PHF14: variants seen among roughly 807,000 people sequenced by gnomAD.
The protein encoded by PHF14 is PHD finger protein 14.
A neutral mutation model predicts 117.9 loss-of-function variants in PHF14; 55 were observed. The observed-to-expected ratio is 0.47, with a 90% CI of 0.38 to 0.58. The LOEUF (loss-of-function observed/expected upper bound fraction) is 0.58, where lower values mean the gene tolerates loss of function less well. Among genes scored for constraint, PHF14 ranks in the 20% least tolerant of loss-of-function variants. The pLI is 0.00. For missense variants in PHF14, 978 were observed against 1,122.2 expected (o/e 0.87, Z 1.84); for synonymous variants, 409 against 368.6 (o/e 1.11, Z -1.26).
At chr7:11,053,378 A>G (rs1394276759) in intron 14 of PHF14, among the ~76,000 whole-genome samples, 1 of 151,978 alleles carries the variant, frequency 6.6e-6, no homozygotes, top group Non-Finnish European at 1.5e-5. Context: ...AATAGTTTTT[A>G]TTTGTAGTTT....
chr7:11,046,074 T>C (rs1583407660), intron 13 of PHF14, among the ~76,000 whole-genome samples: 1 of 152,168 alleles, frequency 6.6e-6, no homozygotes, highest in Non-Finnish European at 1.5e-5. Context: ...CCACAGAGAA[T>C]AGAGAGGCTA....
At chr7:11,068,756 T>A (rs958866404) in intron 16 of PHF14, among the ~76,000 whole-genome samples, 3 of 152,174 alleles carry the variant, frequency 2.0e-5, no homozygotes, top group Non-Finnish European at 4.4e-5. Flanking sequence ...TATAATAGGC[T>A]TTGTGTTGAA....
intron 16 of PHF14, among the ~76,000 whole-genome samples, chr7:11,071,898 T>C (rs1785624932): frequency 6.6e-6 from 1 of 152,216 alleles, no homozygotes; most frequent in African/African-American, 2.4e-5. Flanking sequence ...TAATTTTGGA[T>C]ATTAAAAAAG....
intron 16 of PHF14, among the ~76,000 whole-genome samples, chr7:11,068,990 G>A (rs1785519413): frequency 1.3e-5 from 2 of 152,044 alleles, no homozygotes; most frequent in Admixed American, 6.6e-5. Flanking sequence ...TATTGTATAG[G>A]TTATCTTTAA....
At chr7:11,135,578 A>T (rs1788195869) in intron 17 of PHF14, among the ~76,000 whole-genome samples, 1 of 151,958 alleles carries the variant, frequency 6.6e-6, no homozygotes, top group South Asian at 2.1e-4. Flanking sequence ...ATTTTTGTGT[A>T]TTTTTTTACA....
intron 17 of PHF14, among the ~76,000 whole-genome samples, chr7:11,153,794 A>G (rs1466087252): frequency 6.6e-6 from 1 of 152,164 alleles, no homozygotes; most frequent in African/African-American, 2.4e-5. Context: ...GATTAATTAA[A>G]GAAGACTTTG....
intron 6 of PHF14, among the ~76,000 whole-genome samples, chr7:11,024,799 A>T (rs537152274): frequency 6.6e-6 from 1 of 152,294 alleles, no homozygotes; most frequent in African/African-American, 2.4e-5. Context: ...ATGAAGTACA[A>T]GGAGATTAAT....
At chr7:11,047,100 G>T (rs190237305) in intron 13 of PHF14, among the ~76,000 whole-genome samples, 8 of 147,480 alleles carry the variant, frequency 5.4e-5, no homozygotes, top group Admixed American at 4.8e-4. Context: ...ATGGAGTCTC[G>T]CTCTGTCACC....
At chr7:10,983,680 C>T (rs1199919534) in intron 3 of PHF14, among the ~76,000 whole-genome samples, 1 of 152,132 alleles carries the variant, frequency 6.6e-6, no homozygotes, top group East Asian at 1.9e-4. Flanking sequence ...TCTTTTTAGT[C>T]ACCAAATCTT....
At chr7:11,107,843 C>A in intron 16 of PHF14, 1 of 525,214 alleles carries the variant, frequency 1.9e-6, no homozygotes, top group Non-Finnish European at 2.4e-6. Context: ...TTATGTGCTG[C>A]ATGTGTTTCC....
At chr7:10,999,542 T>C (rs1176572584) in intron 4 of PHF14, among the ~76,000 whole-genome samples, 1 of 152,206 alleles carries the variant, frequency 6.6e-6, no homozygotes, top group Non-Finnish European at 1.5e-5. Flanking sequence ...TTTTGAGTCA[T>C]GTTTTGCTCC....
intron 7 of PHF14, among the ~76,000 whole-genome samples, chr7:11,034,251 CTT>C (rs1784231475): frequency 6.6e-6 from 1 of 151,796 alleles, no homozygotes; most frequent in African/African-American, 2.4e-5. Context: ...TTTGACATAA[CTT>C]AGAGAAAAAC....
chr7:11,009,078 G>GCC (rs1430552715), intron 4 of PHF14, among the ~76,000 whole-genome samples: 1 of 150,510 alleles, frequency 6.6e-6, no homozygotes, highest in Non-Finnish European at 1.5e-5. Flanking sequence ...GAGTTTCATA[G>GCC]TCAAAAGTCT....
At chr7:11,160,337 C>G (rs1032553719) in intron 17 of PHF14, among the ~76,000 whole-genome samples, 2 of 152,152 alleles carry the variant, frequency 1.3e-5, no homozygotes, top group African/African-American at 4.8e-5. Context: ...CATGTCTTCG[C>G]TATTATGAAC....
At chr7:11,028,523 ACT>A (rs1784005749) in intron 6 of PHF14, among the ~76,000 whole-genome samples, 156 bp from the exon 7 acceptor site, 1 of 151,762 alleles carries the variant, frequency 6.6e-6, no homozygotes, top group Non-Finnish European at 1.5e-5. Flanking sequence ...TTTCATATAA[ACT>A]CTTGGCTCGC....
At chr7:11,155,384 A>G (rs1021753644) in intron 17 of PHF14, among the ~76,000 whole-genome samples, 2 of 152,332 alleles carry the variant, frequency 1.3e-5, no homozygotes, top group South Asian at 2.1e-4. Flanking sequence ...GTAACCAACC[A>G]TGAGCACTGT....
chr7:11,104,764 T>C, intron 16 of PHF14: 1 of 614,784 alleles, frequency 1.6e-6, no homozygotes, highest in Non-Finnish European at 2.0e-6. Context: ...TCCCTCCCCC[T>C]TCACCCTGGA....
chr7:11,051,599 C>A lies in PHF14; in HGVS notation c.2313-13C>A. On this transcript the variant is annotated splice_polypyrimidine_tract_variant and intron_variant, in intron 13 of 17. Coordinates refer to ENST00000634607, the MANE Select transcript of PHF14 (RefSeq NM_001007157.2). ...TAATAAATGCATGACTTAAATTTTT[C>A]CCCTTTATGTAGGCAGTGCTCGGAA... The A allele has an allele frequency of 6.3e-7, 1 of 1,593,272 alleles. No individual in the cohort carries two copies. The highest frequency in any genetic ancestry group is 8.5e-7 in the Non-Finnish European group (1 of 1,170,480).
intron 17 of PHF14, among the ~76,000 whole-genome samples, chr7:11,165,562 A>C (rs1789177372): frequency 6.6e-6 from 1 of 152,212 alleles, no homozygotes; most frequent in Non-Finnish European, 1.5e-5. Flanking sequence ...GGCAGTCTAC[A>C]AGGTAAACAA....
Sources: gnomAD v4.1 joint callset for allele counts (sites outside exome capture counted in the v4.1 genomes callset) on GRCh38, gnomAD v4.1.1 for gene constraint, MANE v1.5 for transcripts, NCBI Gene and HGNC (gene_info 2026-07-23, HGNC 2026-07-21) for gene names.